PRKAG2: variants seen among roughly 807,000 people sequenced by gnomAD.
The protein encoded by PRKAG2 is 5'-AMP-activated protein kinase subunit gamma-2.
PRKAG2 carries 26 observed loss-of-function variants against 69.6 expected under a neutral mutation model. The observed-to-expected ratio is 0.37, with a 90% confidence interval of 0.27 to 0.52. The LOEUF (loss-of-function observed/expected upper bound fraction) is 0.52. Ranked by LOEUF, PRKAG2 falls within the 20% of genes least tolerant of loss-of-function variation. The probability of loss-of-function intolerance (pLI) is 0.90; values close to 1 mark genes in which losing one functional copy is unlikely to be tolerated. For missense variants in PRKAG2, 557 were observed against 740.0 expected (o/e 0.75, Z 2.87); for synonymous variants, 293 against 285.0 (o/e 1.03, Z -0.28).
intron 3 of PRKAG2, chr7:151,736,152 G>A (rs1324710925): frequency 4.1e-6 from 6 of 1,450,644 alleles, no homozygotes; most frequent in Non-Finnish European, 5.4e-6. Context: ...TGACAGCCCG[G>A]GTTCAAGCGT....
At chr7:151,796,214 G>A (rs971068804) in intron 1 of PRKAG2, among the ~76,000 whole-genome samples, 1 of 151,942 alleles carries the variant, frequency 6.6e-6, no homozygotes, top group Non-Finnish European at 1.5e-5. Flanking sequence ...CTCAGCCTTC[G>A]CTGCATAGAC....
chr7:151,762,291 C>T (rs191141899), intron 3 of PRKAG2, among the ~76,000 whole-genome samples: 23 of 152,326 alleles, frequency 1.5e-4, no homozygotes, highest in Admixed American at 1.1e-3. Context: ...CCGCAGTAGG[C>T]AGGCAACTGT....
intron 4 of PRKAG2, among the ~76,000 whole-genome samples, chr7:151,670,237 T>G (rs1398916037): frequency 6.6e-6 from 1 of 152,200 alleles, no homozygotes; most frequent in Non-Finnish European, 1.5e-5. Context: ...CCCCCAGAGC[T>G]GGAACTATCA....
chr7:151,580,815 G>T (rs990850940), intron 6 of PRKAG2, among the ~76,000 whole-genome samples: 11 of 151,208 alleles, frequency 7.3e-5, no homozygotes, highest in Admixed American at 7.3e-4. Flanking sequence ...GGGGGTGGGT[G>T]CGGGGAGGAA....
intron 1 of PRKAG2, among the ~76,000 whole-genome samples, chr7:151,875,614 T>TGTGTGTGTGTGTGTGC (rs1554622416): frequency 7.1e-6 from 1 of 139,910 alleles, no homozygotes; most frequent in Non-Finnish European, 1.6e-5. Context: ...TGTGTGTGTG[T>TGTGTGTGTGTGTGTGC]ACACAAACAT....
intron 1 of PRKAG2, among the ~76,000 whole-genome samples, chr7:151,816,131 G>A (rs536629447): frequency 6.6e-6 from 1 of 152,238 alleles, no homozygotes; most frequent in East Asian, 1.9e-4. Flanking sequence ...GGACTTTGGG[G>A]GGCCTCTGTA....
intron 3 of PRKAG2, among the ~76,000 whole-genome samples, chr7:151,760,086 A>T (rs2075326550): frequency 6.6e-6 from 1 of 152,122 alleles, no homozygotes; most frequent in African/African-American, 2.4e-5. Flanking sequence ...TTCTTTTTTT[A>T]AAAAAGGAAG....
intron 2 of PRKAG2, among the ~76,000 whole-genome samples, chr7:151,783,430 T>G (rs1472323915): frequency 6.6e-6 from 1 of 151,942 alleles, no homozygotes; most frequent in Non-Finnish European, 1.5e-5. Context: ...AACCTCCACC[T>G]CCCGGGCTCA....
intron 1 of PRKAG2, among the ~76,000 whole-genome samples, chr7:151,817,635 T>C (rs1048924087): frequency 4.1e-4 from 62 of 152,346 alleles, no homozygotes; most frequent in African/African-American, 1.5e-3. Flanking sequence ...AGCCCCTCCC[T>C]GGCACCTGTA....
At chr7:151,784,982 C>A (rs2076930817) in intron 2 of PRKAG2, among the ~76,000 whole-genome samples, 1 of 152,254 alleles carries the variant, frequency 6.6e-6, no homozygotes, top group Non-Finnish European at 1.5e-5. Flanking sequence ...CGTGGCGGTG[C>A]AGATAACAGG....
intron 1 of PRKAG2, among the ~76,000 whole-genome samples, chr7:151,842,708 C>T (rs1469241729): frequency 1.4e-5 from 2 of 142,680 alleles, no homozygotes; most frequent in Admixed American, 6.9e-5. Context: ...ATGATGGTAG[C>T]GATGGTAGGT....
intron 3 of PRKAG2, among the ~76,000 whole-genome samples, chr7:151,678,697 G>A (rs1833347419): frequency 1.3e-5 from 2 of 152,226 alleles, no homozygotes; most frequent in South Asian, 4.1e-4. Context: ...AGTGGCTCAT[G>A]CCTATAATCT....
intron 6 of PRKAG2, among the ~76,000 whole-genome samples, chr7:151,590,703 A>C (rs1243861931): frequency 6.6e-6 from 1 of 152,204 alleles, no homozygotes; most frequent in Non-Finnish European, 1.5e-5. Flanking sequence ...CAGGGGAGGA[A>C]ACCACTTATA....
intron 3 of PRKAG2, among the ~76,000 whole-genome samples, chr7:151,692,913 T>A (rs1835914099): frequency 6.6e-6 from 1 of 152,098 alleles, no homozygotes; most frequent in Non-Finnish European, 1.5e-5. Flanking sequence ...TCTCAGAGGC[T>A]CAGGCAACCT....
intron 1 of PRKAG2, among the ~76,000 whole-genome samples, chr7:151,858,812 T>C (rs1165128020): frequency 6.6e-6 from 1 of 152,218 alleles, no homozygotes; most frequent in Non-Finnish European, 1.5e-5. Context: ...AAGCACCTGC[T>C]ATGCAGAATG....
chr7:151,783,465 T>G (rs566919567), intron 2 of PRKAG2, among the ~76,000 whole-genome samples: 9 of 151,896 alleles, frequency 5.9e-5, no homozygotes, highest in African/African-American at 2.2e-4. Flanking sequence ...CTCAGCCTCC[T>G]GAGTAGCTGG....
chr7:151,713,255 T>G (rs576972840), intron 3 of PRKAG2, among the ~76,000 whole-genome samples: 49 of 152,348 alleles, frequency 3.2e-4, no homozygotes, highest in African/African-American at 1.0e-3. Flanking sequence ...TCCCTCACAC[T>G]GTCTTCTGGG....
intron 15 of PRKAG2, chr7:151,560,263 A>G: frequency 1.5e-6 from 2 of 1,360,630 alleles, no homozygotes; most frequent in African/African-American, 2.9e-5. Context: ...TGAACATGGC[A>G]ATGGCTCCCA....
At chr7:151,720,050 C>T (rs1286837701) in intron 3 of PRKAG2, among the ~76,000 whole-genome samples, 1 of 152,198 alleles carries the variant, frequency 6.6e-6, no homozygotes, top group Non-Finnish European at 1.5e-5. Flanking sequence ...TGAGGCCTGG[C>T]CACTAGCACT....
Sources: gnomAD v4.1 joint callset for allele counts (sites outside exome capture counted in the v4.1 genomes callset) on GRCh38, gnomAD v4.1.1 for gene constraint, MANE v1.5 for transcripts, NCBI Gene and HGNC (gene_info 2026-07-23, HGNC 2026-07-21) for gene names.